CACNA2D3: variants seen among roughly 807,000 people sequenced by gnomAD.
CACNA2D3 encodes the protein calcium voltage-gated channel auxiliary subunit alpha2delta 3.
Under a neutral mutation model 160.6 loss-of-function variants are expected in CACNA2D3, and 60 were observed. That is an observed-to-expected ratio of 0.37 (90% confidence interval 0.30 to 0.46). The LOEUF is 0.46. Among genes scored for constraint, CACNA2D3 ranks in the 20% least tolerant of loss-of-function variants. The pLI is 1.00. For missense variants in CACNA2D3, 1,205 were observed against 1,365.0 expected (o/e 0.88, Z 1.85); for synonymous variants, 558 against 492.9 (o/e 1.13, Z -1.75).
At chr3:54,452,985 C>G (rs945759629) in intron 4 of CACNA2D3, among the ~76,000 whole-genome samples, 6 of 150,632 alleles carry the variant, frequency 4.0e-5, no homozygotes, top group African/African-American at 1.5e-4. Context: ...CTTTTTCTTT[C>G]TCTCTCTCTT....
At chr3:55,039,008 G>A (rs1232511744) in intron 35 of CACNA2D3, among the ~76,000 whole-genome samples, 2 of 151,238 alleles carry the variant, frequency 1.3e-5, no homozygotes, top group Non-Finnish European at 2.9e-5. Flanking sequence ...AAAGAAGGGA[G>A]TCATCAGCCA....
intron 35 of CACNA2D3, among the ~76,000 whole-genome samples, chr3:55,061,857 G>A (rs1273639886): frequency 2.0e-5 from 3 of 152,178 alleles, no homozygotes; most frequent in African/African-American, 2.4e-5. Context: ...TAGCTCCTCA[G>A]AAGCACCTGG....
chr3:54,631,622 G>A (rs1029548456), intron 10 of CACNA2D3, among the ~76,000 whole-genome samples: 1 of 152,212 alleles, frequency 6.6e-6, no homozygotes, highest in Non-Finnish European at 1.5e-5. Flanking sequence ...ATTGAATGGA[G>A]TTTATTCTGT....
intron 5 of CACNA2D3, among the ~76,000 whole-genome samples, chr3:54,516,855 CA>C (rs1376577118): frequency 3.3e-5 from 5 of 152,106 alleles, no homozygotes; most frequent in African/African-American, 7.2e-5. Context: ...GGGGAATTAG[CA>C]AGACAAAGTG....
chr3:54,386,874 G>T, intron 4 of CACNA2D3, 100 bp downstream of exon 4: 1 of 1,129,856 alleles, frequency 8.9e-7, no homozygotes. Flanking sequence ...GATTGGGAGG[G>T]AGAGGCTTTT....
At position 54,404,841 on chromosome 3, in the gene CACNA2D3, A is replaced by G. The variant is rs1699543300; in HGVS notation, c.381+18067A>G. Among the ~76,000 whole-genome samples, 3 of 152,102 alleles carry G rather than the reference A, an allele frequency of 2.0e-5. No individual in the cohort carries two copies. The South Asian group carries it at 6.2e-4, about 31-fold the overall frequency. On this transcript the variant is annotated intron_variant, in intron 4 of 37. Coordinates refer to ENST00000474759, the MANE Select transcript of CACNA2D3 (RefSeq NM_018398.3). The stretch of plus-strand genomic sequence containing the variant: ...ATACAAATAACAACCTAGATGAAAA[A>G]TTCAAGAAAATAATCTCATTTCTAA...
chr3:55,069,819 C>T (rs925511251), intron 35 of CACNA2D3, among the ~76,000 whole-genome samples: 4 of 152,144 alleles, frequency 2.6e-5, no homozygotes, highest in African/African-American at 9.7e-5. Flanking sequence ...CGTGTTTTCT[C>T]TTAAGTTCTC....
At chr3:54,284,943 A>T (rs1702972250) in intron 2 of CACNA2D3, among the ~76,000 whole-genome samples, 1 of 152,170 alleles carries the variant, frequency 6.6e-6, no homozygotes, top group South Asian at 2.1e-4. Context: ...GAGTATATAA[A>T]TATATACCTA....
At chr3:54,337,999 C>G (rs577413070) in intron 3 of CACNA2D3, among the ~76,000 whole-genome samples, 6 of 152,208 alleles carry the variant, frequency 3.9e-5, no homozygotes, top group African/African-American at 9.6e-5. Context: ...GAGTGCCTCA[C>G]TTGTCTGGCT....
chr3:54,689,041 C>T (rs1453463467), intron 11 of CACNA2D3, among the ~76,000 whole-genome samples: 2 of 133,862 alleles, frequency 1.5e-5, no homozygotes, highest in African/African-American at 2.8e-5. Context: ...AAGCACATGA[C>T]GTGGTTCCTG....
chr3:55,074,036 G>A (rs576589151), intron 37 of CACNA2D3, 78 bp from the exon 38 acceptor site: 23 of 1,245,500 alleles, frequency 1.8e-5, no homozygotes, highest in Non-Finnish European at 2.5e-5. Flanking sequence ...ACGTTAGAGA[G>A]GGGGAGAGAG....
chr3:54,918,998 T>C (rs1180143331), intron 27 of CACNA2D3: 3 of 583,272 alleles, frequency 5.1e-6, no homozygotes, highest in Non-Finnish European at 6.6e-6. Flanking sequence ...GAAGTACCTT[T>C]TTTTTTTTTA....
chr3:54,540,368 A>C (rs2106660879), intron 5 of CACNA2D3, among the ~76,000 whole-genome samples: 1 of 152,322 alleles, frequency 6.6e-6, no homozygotes, highest in Non-Finnish European at 1.5e-5. Flanking sequence ...TTTAAAAATA[A>C]TTGAAGTACC....
intron 11 of CACNA2D3, among the ~76,000 whole-genome samples, chr3:54,703,425 G>A (rs1161040243): frequency 6.6e-6 from 1 of 152,028 alleles, no homozygotes. Flanking sequence ...TAGATTCTTG[G>A]GTGGTATTAC....
chr3:54,256,608 T>G (rs1334694599), intron 2 of CACNA2D3, among the ~76,000 whole-genome samples: 1 of 152,092 alleles, frequency 6.6e-6, no homozygotes, highest in Non-Finnish European at 1.5e-5. Context: ...GGGTCCACAT[T>G]TTTCTGTATG....
intron 6 of CACNA2D3, among the ~76,000 whole-genome samples, chr3:54,563,798 C>T (rs369505719): frequency 5.9e-5 from 9 of 152,242 alleles, no homozygotes; most frequent in African/African-American, 2.2e-4. Flanking sequence ...GCACCTGATG[C>T]CTTCCCACTT....
Position 55,018,209 on chromosome 3 carries a change from A to T in CACNA2D3, c.2879A>T (p.Gln960Leu). 6.2e-7 allele frequency: 1 copy of T among 1,608,748 alleles called. No individual in the cohort carries two copies. The highest frequency in any genetic ancestry group is 8.5e-7 in the Non-Finnish European group (1 of 1,175,606). The change falls in exon 35 of 38, where the codon CAG (glutamine) becomes CTG (leucine). Residue 960 changes from glutamine to leucine, a missense_variant. Transcript: ENST00000474759. ...WWHSDMTAKAQKLKQTLEPCD... is the reference protein window; with the variant it reads ...WWHSDMTAKALKLKQTLEPCD... ...TTTTTTCCCACTATCCCTACAGCCCAGAAATTGAAACAGACCCTGGAGCCT... is the reference window on the plus strand; with the variant it reads ...TTTTTTCCCACTATCCCTACAGCCCTGAAATTGAAACAGACCCTGGAGCCT...
intron 4 of CACNA2D3, among the ~76,000 whole-genome samples, chr3:54,478,629 C>A (rs1264004917): frequency 3.8e-4 from 6 of 15,936 alleles, no homozygotes; most frequent in African/African-American, 8.8e-4. Context: ...GAGACTCTGT[C>A]TCAAAAAAAT....
At chr3:54,916,459 G>A (rs1307242387) in intron 27 of CACNA2D3, among the ~76,000 whole-genome samples, 2 of 152,236 alleles carry the variant, frequency 1.3e-5, no homozygotes, top group African/African-American at 2.4e-5. Flanking sequence ...CTTTCCTTGG[G>A]GTCTTTCTTT....
Sources: gnomAD v4.1 joint callset for allele counts (sites outside exome capture counted in the v4.1 genomes callset) on GRCh38, gnomAD v4.1.1 for gene constraint, MANE v1.5 for transcripts, NCBI Gene and HGNC (gene_info 2026-07-23, HGNC 2026-07-21) for gene names.